FBXW7: variants seen among roughly 807,000 people sequenced by gnomAD.
FBXW7 encodes F-box/WD repeat-containing protein 7.
FBXW7 carries 11 observed loss-of-function variants against 86.3 expected under a neutral mutation model. The ratio of observed to expected loss-of-function variants is 0.13; its 90% CI spans 0.08 to 0.21. The LOEUF is 0.21. Among genes scored for constraint, FBXW7 ranks in the 10% least tolerant of loss-of-function variants. FBXW7 has a pLI of 1.00. For synonymous variants in FBXW7, 313 were observed against 297.9 expected (o/e 1.05, Z -0.52); for missense variants, 488 against 847.4 (o/e 0.58, Z 5.27).
intron 2 of FBXW7, among the ~76,000 whole-genome samples, chr4:152,517,822 T>C (rs1236510194): frequency 2.6e-5 from 4 of 152,174 alleles, no homozygotes; most frequent in East Asian, 1.9e-4. Context: ...AAACCTGTAG[T>C]AGATTATGTC....
At chr4:152,325,970 C>T (rs1399507373) in intron 12 of FBXW7, 36 bp downstream of exon 12, 2 of 1,536,102 alleles carry the variant, frequency 1.3e-6, no homozygotes, top group Non-Finnish European at 1.8e-6. Context: ...TATGATTCAT[C>T]AGGAGAGCAT....
chr4:152,350,983 G>A (rs1731760706), intron 4 of FBXW7, among the ~76,000 whole-genome samples: 2 of 151,848 alleles, frequency 1.3e-5, no homozygotes, highest in East Asian at 1.9e-4. Flanking sequence ...TTGACTATAT[G>A]TATATTTTAA....
At chr4:152,399,871 T>C (rs1412524626) in intron 4 of FBXW7, among the ~76,000 whole-genome samples, 1 of 152,208 alleles carries the variant, frequency 6.6e-6, no homozygotes, top group Non-Finnish European at 1.5e-5. Flanking sequence ...TGTCAAGATG[T>C]CAGTCCTTGC....
intron 6 of FBXW7, chr4:152,338,217 C>A: frequency 4.7e-6 from 1 of 211,554 alleles, no homozygotes; most frequent in East Asian, 9.8e-5. Context: ...TCATCTACCA[C>A]CAAGTCACTA....
chr4:152,442,248 AG>A (rs1049669185), intron 2 of FBXW7, among the ~76,000 whole-genome samples: 19 of 152,198 alleles, frequency 1.2e-4, no homozygotes, highest in Non-Finnish European at 2.2e-4. Flanking sequence ...TACAATCTAC[AG>A]TGGTGGTTCT....
chr4:152,321,607 C>T lies in FBXW7; in HGVS notation c.*1274G>A, dbSNP rs1728566267. The stretch of plus-strand genomic sequence containing the variant: ...CTTTACTACAAAAACTGAATAGTTT[C>T]TGCTTTGTCAGTTACTCAGAGCAAT... On this transcript the variant is annotated 3_prime_UTR_variant, in exon 14 of 14. Coordinates refer to ENST00000281708, the MANE Select transcript of FBXW7 (RefSeq NM_001349798.2). The T allele has an allele frequency of 4.3e-6, 1 of 233,050 alleles. No individual in the cohort carries two copies. The highest frequency in any genetic ancestry group is 1.8e-4 in the South Asian group (1 of 5,526). 14.4% of individuals were successfully genotyped at this position (233,050 alleles called of 1,614,324 possible). A position where few individuals can be genotyped will look rare whatever the true frequency, so the allele number is the denominator to read the frequency against.
chr4:152,380,435 G>T (rs1734962508), intron 4 of FBXW7, among the ~76,000 whole-genome samples: 1 of 151,920 alleles, frequency 6.6e-6, no homozygotes, highest in African/African-American at 2.4e-5. Context: ...GGCTAAAATT[G>T]AATGTGTTCA....
chr4:152,401,846 C>T (rs758386258), intron 4 of FBXW7, among the ~76,000 whole-genome samples: 2 of 152,130 alleles, frequency 1.3e-5, no homozygotes, highest in Admixed American at 6.5e-5. Context: ...AAAATTAAAG[C>T]TTGTTAATTT....
intron 4 of FBXW7, among the ~76,000 whole-genome samples, chr4:152,381,943 A>T (rs1427032628): frequency 6.6e-6 from 1 of 152,172 alleles, no homozygotes; most frequent in Non-Finnish European, 1.5e-5. Context: ...CTAATTTTAG[A>T]TAAATCTGCA....
At chr4:152,444,558 T>C (rs887912686) in intron 2 of FBXW7, among the ~76,000 whole-genome samples, 4 of 152,136 alleles carry the variant, frequency 2.6e-5, no homozygotes, top group Non-Finnish European at 5.9e-5. Context: ...CCAATTTACA[T>C]TTCACCATAA....
chr4:152,453,854 A>T (rs1330876200), intron 2 of FBXW7, among the ~76,000 whole-genome samples: 1 of 152,206 alleles, frequency 6.6e-6, no homozygotes, highest in African/African-American at 2.4e-5. Context: ...ACGTGGAGAA[A>T]GGAGTATAAT....
At chr4:152,439,068 C>T (rs752363869) in intron 2 of FBXW7, among the ~76,000 whole-genome samples, 4 of 152,130 alleles carry the variant, frequency 2.6e-5, no homozygotes, top group Non-Finnish European at 4.4e-5. Context: ...AAAGACAGAG[C>T]TTAAGCAATA....
At chr4:152,375,988 A>C (rs893264680) in intron 4 of FBXW7, among the ~76,000 whole-genome samples, 1 of 152,120 alleles carries the variant, frequency 6.6e-6, no homozygotes, top group Non-Finnish European at 1.5e-5. Context: ...TATACTTTTG[A>C]ATACCTACAG....
At chr4:152,480,461 C>A (rs1231378431) in intron 2 of FBXW7, among the ~76,000 whole-genome samples, 1 of 152,132 alleles carries the variant, frequency 6.6e-6, no homozygotes, top group African/African-American at 2.4e-5. Context: ...ATTAATAACC[C>A]CACAATGGCC....
At chr4:152,426,897 C>T (rs534655141) in intron 2 of FBXW7, among the ~76,000 whole-genome samples, 1 of 152,168 alleles carries the variant, frequency 6.6e-6, no homozygotes, top group African/African-American at 2.4e-5. Context: ...CTTGGGAAAA[C>T]AGAGTCAAGA....
intron 4 of FBXW7, among the ~76,000 whole-genome samples, chr4:152,351,043 C>T (rs999544077): frequency 6.6e-6 from 1 of 151,838 alleles, no homozygotes; most frequent in African/African-American, 2.4e-5. Flanking sequence ...TTTCAACAAC[C>T]CCTTTTTAAG....
At chr4:152,343,214 T>G (rs1258994621) in intron 6 of FBXW7, among the ~76,000 whole-genome samples, 2 of 152,160 alleles carry the variant, frequency 1.3e-5, no homozygotes, top group Non-Finnish European at 2.9e-5. Context: ...CCAATATGCT[T>G]TAATTAAAAT....
intron 6 of FBXW7, among the ~76,000 whole-genome samples, chr4:152,346,392 T>C (rs374789645): frequency 6.6e-6 from 1 of 152,232 alleles, no homozygotes; most frequent in South Asian, 2.1e-4. Context: ...AAGGAGAAGA[T>C]GAAGGAAGGT....
chr4:152,359,480 G>A (rs1011102934), intron 4 of FBXW7, among the ~76,000 whole-genome samples: 1 of 152,034 alleles, frequency 6.6e-6, no homozygotes, highest in African/African-American at 2.4e-5. Context: ...GTGTGCACCT[G>A]TAGCCCTAGC....
Sources: gnomAD v4.1 joint callset for allele counts (sites outside exome capture counted in the v4.1 genomes callset) on GRCh38, gnomAD v4.1.1 for gene constraint, MANE v1.5 for transcripts, NCBI Gene and HGNC (gene_info 2026-07-23, HGNC 2026-07-21) for gene names.